The following GTPBP6 variants were observed in gnomAD, a reference collection of about 807,000 sequenced individuals.
The protein encoded by GTPBP6 is putative GTP-binding protein 6.
In GTPBP6, 33 loss-of-function variants were observed where a neutral mutation model predicts 28.9. The observed-to-expected ratio is 1.14, with a 90% CI of 0.87 to 1.53. GTPBP6 has a LOEUF of 1.53. Among genes scored for constraint, GTPBP6 ranks in the 40% most tolerant of loss-of-function variants. The pLI is 0.00. For synonymous variants in GTPBP6, 231 were observed against 192.7 expected (o/e 1.20, Z -1.65); for missense variants, 507 against 408.3 (o/e 1.24, Z -2.08).
exon 9 of GTPBP6, chrX:307,414 G>A (rs1210905607): frequency 4.3e-6 from 7 of 1,612,280 alleles, no homozygotes; most frequent in South Asian, 2.2e-5. Context: ...TCTCCCCGTC[G>A]CCTTCAAAAC....
In GTPBP6 at chrX:305,072, G is replaced by A. The variant is rs745640563; in HGVS notation, c.*2C>T. The A allele has an allele frequency of 2.7e-5, 44 of 1,612,440 alleles. No individual in the cohort carries two copies. In the East Asian group the frequency reaches 5.8e-4, roughly 21 times the overall value. On this transcript the variant is annotated 3_prime_UTR_variant, in exon 10 of 10. Transcript: ENST00000326153. ...ACCCCGCAGGCCTCTGTGGGCGTCC[G>A]TTCATCCTGGAAAGAGCTTCCGGAA...
intron 7 of GTPBP6, among the ~76,000 whole-genome samples, chrX:309,617 G>A (rs930376553): frequency 1.3e-5 from 2 of 151,890 alleles, no homozygotes; most frequent in Non-Finnish European, 2.9e-5. Flanking sequence ...CACAGACACA[G>A]AGAAGGCCAC....
At chrX:307,330 T>TC (rs759308285) in intron 9 of GTPBP6, 30 bp downstream of exon 9, 2 of 1,606,516 alleles carry the variant, frequency 1.2e-6, no homozygotes, top group Non-Finnish European at 1.7e-6. Flanking sequence ...CAAAGCACCA[T>TC]CCCGTCTCCT....
chrX:314,116 G>A (rs1198367448), intron 5 of GTPBP6, 34 bp downstream of exon 5: 1 of 1,557,352 alleles, frequency 6.4e-7, no homozygotes, highest in Non-Finnish European at 8.9e-7. Context: ...GCATTCCGAG[G>A]ACCCTCTGGG....
rs1208569686 is a variant in GTPBP6, at chrX:315,312, G to A, written c.488-13C>T. 4.0e-5 allele frequency: 16 copies of A among 398,360 alleles called. No individual in the cohort carries two copies. Among genetic ancestry groups the A allele is most frequent in the African/African-American group, 6.2e-5 (3 of 48,612 alleles). The allele number at this position is 398,360 out of a possible 1,614,324, so 24.7% of individuals were successfully genotyped here. Reference sequence around the variant, plus strand: ...CCTCGGATCTTTTCTAACAGAAAGAGGGGGTCCCGTCAGAGGCTGGCCGTC... The same window carrying A: ...CCTCGGATCTTTTCTAACAGAAAGAAGGGGTCCCGTCAGAGGCTGGCCGTC... On this transcript the variant is annotated splice_polypyrimidine_tract_variant and intron_variant, in intron 2 of 9. Transcript: ENST00000326153.
At chrX:314,095 C>A in intron 5 of GTPBP6, 55 bp downstream of exon 5, 1 of 1,344,250 alleles carries the variant, frequency 7.4e-7, no homozygotes, top group Non-Finnish European at 1.1e-6. Flanking sequence ...GGGTGGCTGC[C>A]GCTGACAACC....
rs1197772568 is a variant in GTPBP6, at chrX:304,892, AG to A, written c.*181del. Reference sequence around the variant, plus strand: ...ACGCTCGGGCGGCCCGCTTTGGGGCAGGTGCGGCCGTGTCACCGGCCTGCAC... The same window carrying A: ...ACGCTCGGGCGGCCCGCTTTGGGGCAGTGCGGCCGTGTCACCGGCCTGCAC... On this transcript the variant is annotated 3_prime_UTR_variant, in exon 10 of 10. Transcript: ENST00000326153. 4 of 1,441,252 alleles carry A rather than the reference AG, an allele frequency of 2.8e-6. No homozygotes were observed. The African/African-American group carries it at 4.3e-5, about 16-fold the overall frequency. The allele number at this position is 1,441,252 out of a possible 1,614,324, so 89.3% of individuals were successfully genotyped here. A position where few individuals can be genotyped will look rare whatever the true frequency, so the allele number is the denominator to read the frequency against.
intron 7 of GTPBP6, among the ~76,000 whole-genome samples, chrX:308,654 T>C (rs2070222333): frequency 6.6e-6 from 1 of 151,512 alleles, no homozygotes; most frequent in Non-Finnish European, 1.5e-5. Context: ...CGGTTCAGTC[T>C]GGGTGACAGA....
Position 307,597 on chromosome X carries a change from G to A in GTPBP6, c.1275-85C>T, listed in dbSNP as rs1178771460. The A allele has an allele frequency of 3.3e-6, 5 of 1,496,728 alleles. No individual in the cohort carries two copies. In the Admixed American group the frequency reaches 7.7e-5, roughly 23 times the overall value. The allele number at this position is 1,496,728 out of a possible 1,614,324, so 92.7% of individuals were successfully genotyped here. On this transcript the variant is annotated intron_variant, in intron 8 of 9. Transcript: ENST00000326153. ...GGTCCCCAGGAGTCCACTGCCCACGGGGCACAGTCTGGGGCCACTCCCTGT... is the reference window on the plus strand; with the variant it reads ...GGTCCCCAGGAGTCCACTGCCCACGAGGCACAGTCTGGGGCCACTCCCTGT...
chrX:307,697 A>C, intron 8 of GTPBP6, 35 bp downstream of exon 8: 2 of 1,458,878 alleles, frequency 1.4e-6, no homozygotes, highest in Non-Finnish European at 1.8e-6. Flanking sequence ...CGTGCAGGGG[A>C]AGGAGACGCT....
intron 6 of GTPBP6, 29 bp downstream of exon 6, chrX:312,737 G>A: frequency 6.3e-7 from 1 of 1,589,152 alleles, no homozygotes; most frequent in Non-Finnish European, 8.6e-7. Context: ...GGAGACCGCG[G>A]AAGGCCCCTC....
chrX:317,004 C>T (rs1455852018), exon 2 of GTPBP6: 1 of 398,666 alleles, frequency 2.5e-6, no homozygotes, highest in South Asian at 1.3e-4. Flanking sequence ...ACGGACCAGC[C>T]GTCCAGCGTG....
At chrX:312,509 G>A (rs908250875) in intron 6 of GTPBP6, 6 of 683,948 alleles carry the variant, frequency 8.8e-6, no homozygotes, top group African/African-American at 1.8e-5. Context: ...TGGATGGGAG[G>A]ATGGGGTAGA....
At chrX:313,030 A>C in intron 5 of GTPBP6, 106 bp from the exon 6 acceptor site, 1 of 942,496 alleles carries the variant, frequency 1.1e-6, no homozygotes, top group East Asian at 2.6e-5. Flanking sequence ...CTCCCGCTCC[A>C]GCATCTGGGG....
At chrX:313,765 C>T (rs2070364885) in intron 5 of GTPBP6, among the ~76,000 whole-genome samples, 2 of 152,156 alleles carry the variant, frequency 1.3e-5, no homozygotes, top group African/African-American at 4.8e-5. Flanking sequence ...CTGGAGCCCC[C>T]AGGAGCTGGG....
chrX:317,214 A>C (rs2070454628), intron 1 of GTPBP6, among the ~76,000 whole-genome samples, 163 bp from the exon 2 acceptor site: 1 of 152,078 alleles, frequency 6.6e-6, no homozygotes, highest in Non-Finnish European at 1.5e-5. Flanking sequence ...AGGGCCTCTA[A>C]GTAGGAATCT....
chrX:307,078 G>C (rs1257441339), intron 9 of GTPBP6, among the ~76,000 whole-genome samples: 1 of 150,780 alleles, frequency 6.6e-6, no homozygotes, highest in South Asian at 2.1e-4. Context: ...TTAGGCACCC[G>C]TTGTATGCAG....
chrX:314,097 C>T, intron 5 of GTPBP6, 53 bp downstream of exon 5: 2 of 1,346,584 alleles, frequency 1.5e-6, no homozygotes, highest in Admixed American at 3.5e-5. Context: ...GTGGCTGCCG[C>T]TGACAACCGC....
intron 2 of GTPBP6, among the ~76,000 whole-genome samples, chrX:315,568 AC>A (rs2070415883): frequency 5.3e-5 from 8 of 149,650 alleles, no homozygotes; most frequent in African/African-American, 2.0e-4. Flanking sequence ...ACACACACAC[AC>A]ACACACACAC....
Sources: gnomAD v4.1 joint callset for allele counts (sites outside exome capture counted in the v4.1 genomes callset) on GRCh38, gnomAD v4.1.1 for gene constraint, MANE v1.5 for transcripts, NCBI Gene and HGNC (gene_info 2026-07-23, HGNC 2026-07-21) for gene names.